Variants in LRP1B observed in about 807,000 individuals in gnomAD.
LRP1B encodes LDL receptor related protein 1B, also known as low-density lipoprotein receptor-related protein 1B.
A neutral mutation model predicts 556.6 loss-of-function variants in LRP1B; 217 were observed. The observed-to-expected ratio is 0.39, with a 90% CI of 0.35 to 0.44. The LOEUF (loss-of-function observed/expected upper bound fraction) is 0.44. Among genes scored for constraint, LRP1B ranks in the 20% least tolerant of loss-of-function variants. The pLI, the probability that LRP1B is intolerant of heterozygous loss-of-function variation, is 1.00. For synonymous variants in LRP1B, 2,047 were observed against 1,865.8 expected, an observed-to-expected ratio of 1.10 and a Z score of -2.50; for missense variants, 5,053 against 5,620.8, an observed-to-expected ratio of 0.90 and a Z score of 3.23.
chr2:140,619,476 C>A (rs1440142286), intron 41 of LRP1B, among the ~76,000 whole-genome samples: 1 of 152,124 alleles, frequency 6.6e-6, no homozygotes, highest in African/African-American at 2.4e-5. Context: ...GACTGTGGCA[C>A]TCAAAACCAG....
At chr2:141,594,393 T>G (rs12615851) in intron 2 of LRP1B, among the ~76,000 whole-genome samples, 40,194 of 151,956 alleles carry the variant, frequency 0.26, 6,563 homozygotes, top group East Asian at 0.51. Context: ...GTAATCTGCT[T>G]GGTAAATCAA....
chr2:141,365,713 C>CCAGGCTGGAGTGCAGTGGA (rs1689007530), intron 3 of LRP1B, among the ~76,000 whole-genome samples: 3 of 139,466 alleles, frequency 2.2e-5, no homozygotes, highest in Non-Finnish European at 4.6e-5. Context: ...AGTGCAGTGG[C>CCAGGCTGGAGTGCAGTGGA]CCAGGCTGGA....
At chr2:140,609,286 C>T (rs1252642253) in intron 41 of LRP1B, among the ~76,000 whole-genome samples, 1 of 152,120 alleles carries the variant, frequency 6.6e-6, no homozygotes, top group Non-Finnish European at 1.5e-5. Context: ...TGAAATAAAT[C>T]TTCAGCTGAA....
intron 1 of LRP1B, among the ~76,000 whole-genome samples, chr2:141,996,307 T>C (rs1702490427): frequency 6.6e-6 from 1 of 152,100 alleles, no homozygotes; most frequent in Admixed American, 6.6e-5. Flanking sequence ...CCGAATGACA[T>C]AGGTGTGAAT....
intron 67 of LRP1B, among the ~76,000 whole-genome samples, chr2:140,380,356 T>C (rs1683416875): frequency 6.6e-6 from 1 of 152,200 alleles, no homozygotes; most frequent in Non-Finnish European, 1.5e-5. Context: ...GAAGCCAAGT[T>C]ACTTATCTAA....
intron 2 of LRP1B, among the ~76,000 whole-genome samples, chr2:141,651,045 C>G (rs1689769907): frequency 6.6e-6 from 1 of 152,160 alleles, no homozygotes; most frequent in Admixed American, 6.6e-5. Context: ...CCATGCCGGA[C>G]TTTACAATGG....
intron 32 of LRP1B, among the ~76,000 whole-genome samples, chr2:140,785,529 T>A (rs1372654785): frequency 6.6e-6 from 1 of 152,128 alleles, no homozygotes; most frequent in Non-Finnish European, 1.5e-5. Flanking sequence ...CTACAACTTT[T>A]AAAAAATCAA....
At chr2:140,661,942 A>G (rs1428284395) in intron 41 of LRP1B, among the ~76,000 whole-genome samples, 2 of 152,210 alleles carry the variant, frequency 1.3e-5, no homozygotes, top group Non-Finnish European at 2.9e-5. Flanking sequence ...ATCTAATTGA[A>G]ACACTTGACA....
chr2:140,408,426 A>G (rs1187205766), intron 66 of LRP1B, among the ~76,000 whole-genome samples: 1 of 152,024 alleles, frequency 6.6e-6, no homozygotes, highest in East Asian at 1.9e-4. Context: ...ATAGCAATGA[A>G]TGAAACAGAC....
intron 2 of LRP1B, among the ~76,000 whole-genome samples, chr2:141,489,639 C>T (rs1460110587): frequency 6.6e-6 from 1 of 151,946 alleles, no homozygotes; most frequent in Admixed American, 6.6e-5. Flanking sequence ...TTTCCCAGAA[C>T]AGTGTTTATT....
At chr2:142,122,867 T>C (rs947441155) in intron 1 of LRP1B, among the ~76,000 whole-genome samples, 5 of 152,210 alleles carry the variant, frequency 3.3e-5, no homozygotes, top group Non-Finnish European at 4.4e-5. Context: ...AATAAAAATA[T>C]ACCATTAAAA....
At chr2:141,853,794 C>T (rs1308171949) in intron 1 of LRP1B, among the ~76,000 whole-genome samples, 1 of 151,892 alleles carries the variant, frequency 6.6e-6, no homozygotes, top group Non-Finnish European at 1.5e-5. Flanking sequence ...ATCCAACAAA[C>T]ATAAAGTATG....
chr2:141,851,183 G>T (rs1697843355), intron 1 of LRP1B, among the ~76,000 whole-genome samples: 1 of 151,744 alleles, frequency 6.6e-6, no homozygotes, highest in African/African-American at 2.4e-5. Flanking sequence ...GCAAATGTTT[G>T]AAAGACATAA....
At chr2:141,132,089 C>T (rs1172107536) in intron 7 of LRP1B, among the ~76,000 whole-genome samples, 1 of 151,928 alleles carries the variant, frequency 6.6e-6, no homozygotes, top group African/African-American at 2.4e-5. Context: ...ATATGATGCC[C>T]AAACATAACA....
At chr2:140,626,500 C>A (rs1041167631) in intron 41 of LRP1B, among the ~76,000 whole-genome samples, 1 of 151,936 alleles carries the variant, frequency 6.6e-6, no homozygotes, top group African/African-American at 2.4e-5. Context: ...TTTATTTACT[C>A]AATTTTGCTG....
intron 84 of LRP1B, among the ~76,000 whole-genome samples, chr2:140,286,365 G>C (rs755103565): frequency 2.0e-5 from 3 of 151,798 alleles, no homozygotes; most frequent in Non-Finnish European, 4.4e-5. Context: ...AGACTGGAAA[G>C]GAAAATCACT....
At chr2:140,735,859 AG>A (rs1268418944) in intron 35 of LRP1B, among the ~76,000 whole-genome samples, 1 of 152,194 alleles carries the variant, frequency 6.6e-6, no homozygotes, top group Non-Finnish European at 1.5e-5. Context: ...CCAATGCAGC[AG>A]TGAGAAATAG....
chr2:142,080,417 T>G (rs2104929528), intron 1 of LRP1B, among the ~76,000 whole-genome samples: 2 of 152,248 alleles, frequency 1.3e-5, no homozygotes, highest in East Asian at 3.9e-4. Flanking sequence ...GTGGAAACTG[T>G]GGGGTTTTTA....
At chr2:140,263,570 C>A (rs1199890033) in intron 86 of LRP1B, among the ~76,000 whole-genome samples, 9 of 152,204 alleles carry the variant, frequency 5.9e-5, no homozygotes, top group Admixed American at 5.9e-4. Context: ...GAAACCAGGC[C>A]ATGACTTCAA....
Sources: allele counts gnomAD v4.1 joint callset (sites outside exome capture counted in the v4.1 genomes callset), GRCh38; gene constraint gnomAD v4.1.1; transcripts MANE v1.5; gene names NCBI Gene and HGNC (gene_info 2026-07-23, HGNC 2026-07-21).